The following ZNF208 variants were observed in gnomAD, a reference collection of about 807,000 sequenced individuals.
The protein encoded by ZNF208 is zinc finger protein 95.
In ZNF208, 10 loss-of-function variants were observed where a neutral mutation model predicts 12.1. The observed-to-expected ratio is 0.83, with a 90% CI of 0.51 to 1.40. ZNF208 has a LOEUF of 1.40. ZNF208 is among the 40% of genes most tolerant of loss of function. The pLI, the probability that ZNF208 is intolerant of heterozygous loss-of-function variation, is 0.00. For synonymous variants in ZNF208, 497 were observed against 488.4 expected, an observed-to-expected ratio of 1.02 and a Z score of -0.23; for missense variants, 1,652 against 1,485.0, an observed-to-expected ratio of 1.11 and a Z score of -1.85.
At chr19:21,946,573 G>GGTATT (rs1182416488) in intron 4 of ZNF208, among the ~76,000 whole-genome samples, 1 of 152,086 alleles carries the variant, frequency 6.6e-6, no homozygotes, top group East Asian at 1.9e-4. Context: ...AAGAATTCTG[G>GGTATT]GTATTATCTC....
intron 4 of ZNF208, among the ~76,000 whole-genome samples, chr19:21,947,599 A>G (rs1568432957): frequency 6.6e-6 from 1 of 152,228 alleles, no homozygotes; most frequent in Admixed American, 6.5e-5. Context: ...TCTAAACAGA[A>G]AAACTCAACT....
intron 4 of ZNF208, among the ~76,000 whole-genome samples, chr19:21,949,917 C>T (rs1969865375): frequency 6.6e-6 from 1 of 152,162 alleles, no homozygotes; most frequent in Non-Finnish European, 1.5e-5. Context: ...GACTAAAAAC[C>T]ACTTCCTGAA....
chr19:21,963,748 C>T (rs1393602398), downstream of ZNF208, among the ~76,000 whole-genome samples: 1 of 151,904 alleles, frequency 6.6e-6, no homozygotes, highest in Non-Finnish European at 1.5e-5. Context: ...TCTTAATTTA[C>T]TCTAAATTGA....
intron 4 of ZNF208, chr19:21,939,826 G>C (rs1353060746): frequency 6.6e-6 from 1 of 152,158 alleles, no homozygotes; most frequent in Non-Finnish European, 1.5e-5. Context: ...TGGTGTTCAA[G>C]ATTTTTATTA....
chr19:21,971,861 T>G lies in ZNF208; in HGVS notation c.3173A>C (p.Lys1058Thr), dbSNP rs375335801. Reference protein sequence around the residue: ...KATHAGEKPYKCEECGKAFSW... With the variant: ...KATHAGEKPYTCEECGKAFSW... ...GAAGGCTTTGCCACATTCTTCACAT[T>G]TGTAGGGTTTTTCTCCAGCATGAGT... The change falls in exon 4 of 4, where the codon AAA becomes ACA. Residue 1058 changes from lysine (K) to threonine (T), a missense_variant. By Grantham distance (78) the Lys-to-Thr change is moderately conservative. Transcript: ENST00000397126. 10 of 1,613,358 alleles carry G rather than the reference T, an allele frequency of 6.2e-6. No individual in the cohort carries two copies. In the African/African-American group the frequency reaches 1.2e-4, roughly 19 times the overall value.
intron 3 of ZNF208, among the ~76,000 whole-genome samples, chr19:21,976,094 C>T (rs1216985030): frequency 6.6e-6 from 1 of 152,030 alleles, no homozygotes. Context: ...GAATTTCTAG[C>T]ATTATTCTAA....
chr19:22,001,062 G>A (rs984594445), intron 1 of ZNF208, among the ~76,000 whole-genome samples: 1 of 152,186 alleles, frequency 6.6e-6, no homozygotes, highest in Non-Finnish European at 1.5e-5. Context: ...GCTGAGGTGG[G>A]TGGATCACCT....
chr19:22,004,955 G>A (rs866978717), intron 1 of ZNF208, among the ~76,000 whole-genome samples: 1 of 152,298 alleles, frequency 6.6e-6, no homozygotes, highest in South Asian at 2.1e-4. Flanking sequence ...GTTGGAGAGA[G>A]TGCAATGCAG....
rs116405981 is a variant in ZNF208, at chr19:21,951,304, A to C, written c.306-18067T>G. On this transcript the variant is annotated intron_variant, in intron 4 of 4. Coordinates refer to the ZNF208 transcript ENST00000599916. ...TACCAGGTTTTACATTAAAGTTAAA[A>C]TTACAAAAAGTTACCATTATAACAT... Among the ~76,000 whole-genome samples the C allele has an allele frequency of 2.5e-3, 374 of 152,350 alleles. 2 individuals are homozygous for C. Among genetic ancestry groups the C allele is most frequent in the African/African-American group, 8.2e-3 (342 of 41,582 alleles).
intron 1 of ZNF208, among the ~76,000 whole-genome samples, chr19:22,002,196 G>A (rs921959861): frequency 2.0e-5 from 3 of 152,000 alleles, no homozygotes; most frequent in African/African-American, 4.8e-5. Context: ...AGATGCATAC[G>A]TCAAAATAGT....
intron 1 of ZNF208, among the ~76,000 whole-genome samples, chr19:22,004,525 C>T (rs1486049662): frequency 6.6e-6 from 1 of 151,940 alleles, no homozygotes; most frequent in Non-Finnish European, 1.5e-5. Flanking sequence ...ACCAAACAAA[C>T]AAACAAATAT....
intron 4 of ZNF208, chr19:21,940,570 C>T (rs1474770472): frequency 6.6e-6 from 1 of 151,992 alleles, no homozygotes; most frequent in Non-Finnish European, 1.5e-5. Context: ...CAGTTCTACT[C>T]TCTCTCTCTA....
At position 21,974,344 on chromosome 19, in the gene ZNF208, T is replaced by C. The variant is rs1410737186; in HGVS notation, c.690A>G (p.Arg230=). ...KSAHTGEKPY[R]CKECGKAFSK... is the part of the protein sequence containing the mutation. ...TAAAGGCTTTGCCACATTCTTTACA[T>C]CTGTAGGGTTTCTCTCCAGTATGAG... The change falls in exon 4 of 4, where the codon AGA becomes AGG. Residue 230 remains arginine, a synonymous_variant. Transcript: ENST00000397126. The C allele has an allele frequency of 6.2e-7, 1 of 1,613,622 alleles. No homozygotes were observed. Among genetic ancestry groups the C allele is most frequent in the Non-Finnish European group, 8.5e-7 (1 of 1,179,782 alleles).
rs1479240360 is a variant in ZNF208 at position 21,971,632 on chromosome 19, A to G, written c.3402T>C (p.Ile1134=). 1 of 1,613,090 alleles carries G rather than the reference A, an allele frequency of 6.2e-7. No homozygotes were observed. Among genetic ancestry groups the G allele is most frequent in the Admixed American group, 1.7e-5 (1 of 59,924 alleles). The change falls in exon 4 of 4, where the codon ATT becomes ATC. Residue 1134 remains isoleucine, a synonymous_variant. Coordinates refer to ENST00000397126, the MANE Select transcript of ZNF208 (RefSeq NM_007153.3). ...ATTTGTAGGGTTTCTCTCCAGTATG[A>G]ATTACCTTATGTTTAGTAAGGATTG... is the stretch of plus-strand genomic sequence containing the variant. ...TFSILTKHKV[I]HTGEKPYKCE... is the part of the protein sequence containing the mutation.
At chr19:21,953,377 G>A (rs546350972) in intron 4 of ZNF208, among the ~76,000 whole-genome samples, 70 of 147,448 alleles carry the variant, frequency 4.7e-4, no homozygotes, top group Middle Eastern at 3.4e-3. Context: ...ACTTACCAAG[G>A]TAAAAATGAA....
chr19:21,962,781 T>C (rs1235102548), downstream of ZNF208, among the ~76,000 whole-genome samples: 1 of 152,138 alleles, frequency 6.6e-6, no homozygotes, highest in Admixed American at 6.6e-5. Flanking sequence ...AATAAGCAGA[T>C]GCATCAATAA....
chr19:21,970,906 C>T lies in ZNF208; in HGVS notation c.*285G>A, dbSNP rs1244108457. The stretch of plus-strand genomic sequence containing the variant: ...TTCTATGATAACTGAGGGTTGAGGA[C>T]CACTTATAGGCTTTGCCACATTCTT... On this transcript the variant is annotated 3_prime_UTR_variant, in exon 4 of 4. Coordinates refer to ENST00000397126, the MANE Select transcript of ZNF208 (RefSeq NM_007153.3). Among the ~76,000 whole-genome samples, 1 of 150,514 alleles carries T rather than the reference C, an allele frequency of 6.6e-6. No individual in the cohort carries two copies. The highest frequency in any genetic ancestry group is 1.5e-5 in the Non-Finnish European group (1 of 67,702).
At chr19:21,977,912 T>C (rs1486971803) in intron 3 of ZNF208, among the ~76,000 whole-genome samples, 1 of 152,246 alleles carries the variant, frequency 6.6e-6, no homozygotes, top group East Asian at 1.9e-4. Context: ...GCGTCCGCCA[T>C]TGCTGAGGCT....
In ZNF208 at chr19:21,967,114, T is replaced by C. The variant is rs1970185862; in HGVS notation, c.*4077A>G. The C allele has an allele frequency of 6.6e-6, 1 of 152,158 alleles. No homozygotes were observed. The highest frequency in any genetic ancestry group is 1.5e-5 in the Non-Finnish European group (1 of 68,016). The allele number at this position is 152,158 out of a possible 1,614,324, so 9.4% of individuals were successfully genotyped here. Reference sequence around the variant, plus strand: ...TTATTTTTGTTGCACTCATGTTAGATGTTAGTCATAAATTCTTTACAGAGG... The same window carrying C: ...TTATTTTTGTTGCACTCATGTTAGACGTTAGTCATAAATTCTTTACAGAGG... On this transcript the variant is annotated 3_prime_UTR_variant, in exon 4 of 4. Transcript: ENST00000397126.
Sources: gnomAD v4.1 joint callset for allele counts (sites outside exome capture counted in the v4.1 genomes callset) on GRCh38, gnomAD v4.1.1 for gene constraint, MANE v1.5 for transcripts, NCBI Gene and HGNC (gene_info 2026-07-23, HGNC 2026-07-21) for gene names.